The following EP400 variants were observed in gnomAD, a reference collection of about 807,000 sequenced individuals.
EP400 encodes the protein E1A-binding protein p400.
Under a neutral mutation model 354.1 loss-of-function variants are expected in EP400, and 105 were observed. The ratio of observed to expected loss-of-function variants is 0.30; its 90% CI spans 0.25 to 0.35. The LOEUF (loss-of-function observed/expected upper bound fraction) is 0.35. EP400 is among the 10% of genes least tolerant of loss of function. The probability of loss-of-function intolerance (pLI) is 1.00; values close to 1 mark genes in which losing one functional copy is unlikely to be tolerated. For missense variants in EP400, 3,280 were observed against 4,121.0 expected, an observed-to-expected ratio of 0.80 and a Z score of 5.59; for synonymous variants, 1,646 against 1,716.9, an observed-to-expected ratio of 0.96 and a Z score of 1.02.
chr12:131,971,693 A>T (rs1229928537), intron 2 of EP400, among the ~76,000 whole-genome samples: 2 of 145,076 alleles, frequency 1.4e-5, no homozygotes, highest in Admixed American at 6.9e-5. Context: ...TATGGGTAAA[A>T]TTTTTTTTTT....
chr12:132,011,768 C>T, intron 16 of EP400, 134 bp downstream of exon 16: 2 of 1,173,178 alleles, frequency 1.7e-6, no homozygotes, highest in Non-Finnish European at 2.3e-6. Flanking sequence ...GTTAACAGAC[C>T]TTTATGTTGT....
intron 43 of EP400, among the ~76,000 whole-genome samples, 190 bp downstream of exon 43, chr12:132,053,787 A>G (rs1305043436): frequency 2.0e-5 from 3 of 152,216 alleles, no homozygotes; most frequent in Non-Finnish European, 4.4e-5. Flanking sequence ...TTTCACCTGG[A>G]TTCTGCCATT....
chr12:132,023,384 G>A (rs1246971879), intron 23 of EP400, among the ~76,000 whole-genome samples: 2 of 130,852 alleles, frequency 1.5e-5, no homozygotes, highest in African/African-American at 6.0e-5. Context: ...TCAAACTCCT[G>A]ACCTCATGTG....
intron 37 of EP400, 142 bp from the exon 38 acceptor site, chr12:132,045,176 GC>G: frequency 2.2e-6 from 3 of 1,385,290 alleles, no homozygotes; most frequent in Non-Finnish European, 2.9e-6. Context: ...AGGCCCGAAA[GC>G]AGGTCTGTCT....
intron 5 of EP400, among the ~76,000 whole-genome samples, chr12:131,982,830 C>T (rs535611008): frequency 2.2e-4 from 34 of 152,048 alleles, no homozygotes; most frequent in Admixed American, 6.5e-4. Flanking sequence ...ATTAGCCAGG[C>T]GTGGTGGCAA....
chr12:132,016,107 C>T (rs575080711), intron 19 of EP400, among the ~76,000 whole-genome samples: 22 of 152,324 alleles, frequency 1.4e-4, no homozygotes, highest in African/African-American at 4.6e-4. Flanking sequence ...AACCATCCGT[C>T]GTCTCAGCCA....
At chr12:131,986,029 C>T (rs573167719) in intron 5 of EP400, among the ~76,000 whole-genome samples, 63 of 152,296 alleles carry the variant, frequency 4.1e-4, no homozygotes, top group African/African-American at 1.5e-3. Context: ...GGCTGGAGTA[C>T]AGTGGCACAA....
At chr12:132,065,085 G>A in intron 48 of EP400, 199 bp downstream of exon 48, 1 of 978,360 alleles carries the variant, frequency 1.0e-6, no homozygotes, top group Non-Finnish European at 1.5e-6. Context: ...AGCTCCCAGA[G>A]CCCATCCAGG....
At chr12:132,076,383 A>G (rs1469762497) in intron 51 of EP400, 133 bp from the exon 52 acceptor site, 3 of 879,318 alleles carry the variant, frequency 3.4e-6, no homozygotes, top group East Asian at 2.6e-5. Flanking sequence ...TGGGCACACT[A>G]CGAGAATTGC....
chr12:132,053,654 C>T lies in EP400; in HGVS notation c.7728+57C>T, dbSNP rs570994625. ...CTACGGGAAGTCACCCACACCTGCA[C>T]TTGATTCAAGTGCTTTCTGTTGAAA... is the stretch of plus-strand genomic sequence containing the variant. On this transcript the variant is annotated intron_variant, in intron 43 of 52. Coordinates refer to ENST00000389561, the MANE Select transcript of EP400 (RefSeq NM_015409.5). 8.8e-4 allele frequency: 1,268 copies of T among 1,440,546 alleles called. 1 individual carries two copies. The highest frequency in any genetic ancestry group is 9.7e-4 in the Non-Finnish European group (1,069 of 1,100,596). 89.2% of individuals were successfully genotyped at this position (1,440,546 alleles called of 1,614,324 possible).
Position 132,013,436 on chromosome 12 carries a change from G to A in EP400, c.3612-54G>A. On this transcript the variant is annotated intron_variant, in intron 17 of 52. Coordinates refer to ENST00000389561, the MANE Select transcript of EP400 (RefSeq NM_015409.5). The surrounding 1 kb of genome is among the most constrained non-coding windows in gnomAD (Gnocchi z 4.5). The stretch of plus-strand genomic sequence containing the variant: ...ACACATTGTCAGAGAAGATGCTGCT[G>A]CAGCCAGCCCCGTGGCTGTAGAACT... 2 of 1,510,984 alleles carry A rather than the reference G, an allele frequency of 1.3e-6. No homozygotes were observed. Among genetic ancestry groups the A allele is most frequent in the Non-Finnish European group, 1.8e-6 (2 of 1,127,770 alleles). 93.6% of individuals were successfully genotyped at this position (1,510,984 alleles called of 1,614,324 possible). A position where few individuals can be genotyped will look rare whatever the true frequency, so the allele number is the denominator to read the frequency against.
intron 39 of EP400, among the ~76,000 whole-genome samples, chr12:132,046,984 CAT>C (rs964344786): frequency 4.6e-5 from 7 of 152,236 alleles, no homozygotes; most frequent in African/African-American, 1.7e-4. Context: ...GGGTGGGACA[CAT>C]ATAGTAGAGG....
chr12:132,030,620 G>C (rs1300174540), intron 29 of EP400, among the ~76,000 whole-genome samples: 4 of 152,236 alleles, frequency 2.6e-5, no homozygotes, highest in Non-Finnish European at 5.9e-5. Flanking sequence ...CAGCCTGGCA[G>C]TATGGATTTG....
rs1891844281 is a variant in EP400 at position 131,960,561 on chromosome 12, CTTGATT to C, written c.-35-21_-35-16del. 1 of 1,514,914 alleles carries C rather than the reference CTTGATT, an allele frequency of 6.6e-7. No individual in the cohort carries two copies. Among genetic ancestry groups the C allele is most frequent in the Non-Finnish European group, 8.9e-7 (1 of 1,127,486 alleles). The allele number at this position is 1,514,914 out of a possible 1,614,324, so 93.8% of individuals were successfully genotyped here. On this transcript the variant is annotated intron_variant, in intron 1 of 52. Coordinates refer to ENST00000389561, the MANE Select transcript of EP400 (RefSeq NM_015409.5). Reference sequence around the variant, plus strand: ...AACAGTTATGTGTGCCTTCAAGTGACTTGATTTTAATTTTAATTTTTAGGAGAACGA... The same window carrying C: ...AACAGTTATGTGTGCCTTCAAGTGACTTAATTTTAATTTTTAGGAGAACGA...
rs142270901 is a variant in EP400, at chr12:131,980,301, A to G, written c.1435+508A>G. Among the ~76,000 whole-genome samples, 64 of 152,298 alleles carry G rather than the reference A, an allele frequency of 4.2e-4. 1 individual carries two copies. Among genetic ancestry groups the G allele is most frequent in the African/African-American group, 1.4e-3 (59 of 41,556 alleles). On this transcript the variant is annotated intron_variant, in intron 3 of 52. Transcript: ENST00000389561. ...ACACAAGCATTGTTACATATGTGAT[A>G]CTTTGAAAAAGTTGAGATGCGATCA...
intron 6 of EP400, 22 bp from the exon 7 acceptor site, chr12:131,987,683 A>G (rs762100079): frequency 1.9e-6 from 3 of 1,547,032 alleles, no homozygotes; most frequent in Non-Finnish European, 2.6e-6. Context: ...CGACCCCACC[A>G]TCCCCCATGT....
In EP400 at chr12:132,025,706, T is replaced by C. The variant is rs771010607; in HGVS notation, c.4916T>C (p.Val1639Ala). ...CCCTACCTTCGAGCCCCTGGCCCTG[T>C]GGTGATGCAGACCGTGTCTCAGGCG... is the stretch of plus-strand genomic sequence containing the variant. ...GQPYLRAPGP[V>A]VMQTVSQAGA... Residue 1639 changes from valine to alanine, a missense_variant, in exon 25 of 53, where the codon GTG (valine) becomes GCG (alanine). By Grantham distance (64) the Val-to-Ala change is moderately conservative. Around this residue, in one of 20 missense-constraint regions of EP400, gnomAD observed 459 missense variants for 496.9 expected, o/e 0.92. Transcript: ENST00000389561. The surrounding 1 kb of genome is among the most constrained non-coding windows in gnomAD (Gnocchi z 4.1). 3 of 1,613,432 alleles carry C rather than the reference T, an allele frequency of 1.9e-6. No individual in the cohort carries two copies. The highest frequency in any genetic ancestry group is 2.5e-6 in the Non-Finnish European group (3 of 1,179,898).
intron 2 of EP400, among the ~76,000 whole-genome samples, chr12:131,964,527 AATAG>A (rs1354755025): frequency 2.6e-5 from 4 of 152,200 alleles, no homozygotes; most frequent in Admixed American, 6.5e-5. Context: ...CTAGCTTTGG[AATAG>A]ATAGTGTTGG....
intron 39 of EP400, among the ~76,000 whole-genome samples, chr12:132,046,872 C>T (rs931933954): frequency 6.6e-6 from 1 of 152,230 alleles, no homozygotes; most frequent in African/African-American, 2.4e-5. Context: ...GCCTGACTTC[C>T]AGGGCACGTG....
Sources: gnomAD v4.1 joint callset for allele counts (sites outside exome capture counted in the v4.1 genomes callset) on GRCh38, gnomAD v4.1.1 for gene constraint, gnomAD v4.1.1 regional missense constraint, Gnocchi (gnomAD v3.1) non-coding constraint, MANE v1.5 for transcripts, NCBI Gene and HGNC (gene_info 2026-07-23, HGNC 2026-07-21) for gene names.